TMEM163: variants seen among roughly 807,000 people sequenced by gnomAD.
TMEM163 encodes the protein transmembrane protein 163.
Under a neutral mutation model 29.3 loss-of-function variants are expected in TMEM163, and 17 were observed. The ratio of observed to expected loss-of-function variants is 0.58; its 90% confidence interval spans 0.40 to 0.87. The LOEUF is 0.87. Ranked by LOEUF, TMEM163 falls within the 40% of genes least tolerant of loss-of-function variation. The probability of loss-of-function intolerance (pLI) is 0.00; values close to 1 mark genes in which losing one functional copy is unlikely to be tolerated. For missense variants in TMEM163, 303 were observed against 381.5 expected (o/e 0.79, Z 1.71); for synonymous variants, 157 against 160.6 (o/e 0.98, Z 0.17).
chr2:134,694,201 T>TA (rs1210650240), intron 2 of TMEM163, among the ~76,000 whole-genome samples: 1 of 152,180 alleles, frequency 6.6e-6, no homozygotes, highest in Non-Finnish European at 1.5e-5. Context: ...ATAATGACTA[T>TA]AAAAGAGGAG....
intron 4 of TMEM163, among the ~76,000 whole-genome samples, chr2:134,542,974 A>G (rs1010487232): frequency 6.6e-6 from 1 of 152,176 alleles, no homozygotes; most frequent in African/African-American, 2.4e-5. Flanking sequence ...GACACTAGTA[A>G]TATCGGATTA....
At chr2:134,513,222 GAGA>G (rs1197848688) in intron 4 of TMEM163, among the ~76,000 whole-genome samples, 1 of 152,190 alleles carries the variant, frequency 6.6e-6, no homozygotes, top group African/African-American at 2.4e-5. Context: ...AAGACTGTAG[GAGA>G]AGCAGGTCTG....
At chr2:134,520,727 A>G (rs986510716) in intron 4 of TMEM163, among the ~76,000 whole-genome samples, 2 of 152,166 alleles carry the variant, frequency 1.3e-5, no homozygotes, top group Non-Finnish European at 2.9e-5. Flanking sequence ...AACCTCTGAC[A>G]CAGCATGGGC....
At chr2:134,529,362 G>A (rs531806789) in intron 4 of TMEM163, among the ~76,000 whole-genome samples, 31 of 149,386 alleles carry the variant, frequency 2.1e-4, no homozygotes, top group African/African-American at 3.7e-4. Flanking sequence ...ATAAACCTGC[G>A]CACATGCATA....
chr2:134,517,333 C>A (rs1472593421), intron 4 of TMEM163, among the ~76,000 whole-genome samples: 1 of 152,132 alleles, frequency 6.6e-6, no homozygotes, highest in African/African-American at 2.4e-5. Flanking sequence ...TCCCCTCTGA[C>A]AAGTCAGAAG....
In TMEM163 at chr2:134,718,940, C is replaced by A. The variant is rs1430652887; in HGVS notation, c.-5G>T. ...GATGCCCGCGGCCGGCTCCATGGCG[C>A]GGGGCTGCGGATCCCGGCGGCGGCG... On this transcript the variant is annotated 5_prime_UTR_variant, in exon 1 of 8. Coordinates refer to ENST00000281924, the MANE Select transcript of TMEM163 (RefSeq NM_030923.5). 6 of 1,042,698 alleles carry A rather than the reference C, an allele frequency of 5.8e-6. No individual in the cohort carries two copies. The highest frequency in any genetic ancestry group is 5.8e-6 in the Non-Finnish European group (5 of 869,166). 64.6% of individuals were successfully genotyped at this position (1,042,698 alleles called of 1,614,324 possible). A position where few individuals can be genotyped will look rare whatever the true frequency, so the allele number is the denominator to read the frequency against.
intron 4 of TMEM163, among the ~76,000 whole-genome samples, chr2:134,525,506 C>T (rs192416954): frequency 2.0e-5 from 3 of 152,208 alleles, no homozygotes; most frequent in Admixed American, 2.0e-4. Flanking sequence ...CAAAATCAAT[C>T]GCTGGGGAGC....
intron 2 of TMEM163, among the ~76,000 whole-genome samples, chr2:134,705,897 T>A (rs1314924621): frequency 2.0e-5 from 3 of 152,202 alleles, no homozygotes; most frequent in African/African-American, 7.2e-5. Context: ...CGAGGGACCC[T>A]GAGCATGAGA....
At chr2:134,510,895 C>T (rs1435104146) in intron 4 of TMEM163, among the ~76,000 whole-genome samples, 2 of 152,074 alleles carry the variant, frequency 1.3e-5, no homozygotes, top group African/African-American at 2.4e-5. Context: ...GGGAACAGCC[C>T]GTCTAAAGGT....
At chr2:134,581,703 G>A (rs1251276416) in intron 2 of TMEM163, among the ~76,000 whole-genome samples, 1 of 152,142 alleles carries the variant, frequency 6.6e-6, no homozygotes, top group African/African-American at 2.4e-5. Context: ...TCATTTTGAG[G>A]GGAGGATCTC....
Position 134,558,874 on chromosome 2 carries a change from G to A in TMEM163, c.323-6783C>T, listed in dbSNP as rs536980530. ...GCAAAATTATGTGACTGTAAGTTTC[G>A]TTAATAAATCAATCCTACTTTAATT... On this transcript the variant is annotated intron_variant, in intron 2 of 7. Coordinates refer to ENST00000281924, the MANE Select transcript of TMEM163 (RefSeq NM_030923.5). 3.3e-5 allele frequency among the ~76,000 whole-genome samples: 5 copies of A among 152,244 alleles called. No individual in the cohort carries two copies. In the South Asian group the frequency reaches 6.2e-4, roughly 19 times the overall value.
intron 5 of TMEM163, 55 bp from the exon 6 acceptor site, chr2:134,466,280 C>T: frequency 7.0e-7 from 1 of 1,418,942 alleles, no homozygotes; most frequent in Non-Finnish European, 9.8e-7. Flanking sequence ...AGCAGATCAT[C>T]TGCAACCCAC....
In TMEM163 at chr2:134,460,082, C is replaced by CA. The variant is rs369851123; in HGVS notation, c.668-1910_668-1909insT. Among the ~76,000 whole-genome samples the CA allele has an allele frequency of 7.4e-5, 11 of 148,774 alleles. 1 individual carries two copies. Among genetic ancestry groups the CA allele is most frequent in the South Asian group, 2.3e-4 (1 of 4,288 alleles). ...AGCCCCTTGCCAGATGTTACCCCCC[C>CA]CCAAATTCATTCTCACTCTCCCCGC... On this transcript the variant is annotated intron_variant, in intron 6 of 7. Transcript: ENST00000281924. This position sits in a 1 kb window ranked among gnomAD's most constrained non-coding sequence, Gnocchi z 4.3.
chr2:134,466,404 G>A (rs1299452829), intron 5 of TMEM163, 179 bp from the exon 6 acceptor site: 2 of 566,950 alleles, frequency 3.5e-6, no homozygotes, highest in East Asian at 5.8e-5. Context: ...AATTGGAAAA[G>A]ATGCTCAAAA....
chr2:134,547,002 CAG>C (rs777010887), intron 4 of TMEM163, among the ~76,000 whole-genome samples: 5 of 151,850 alleles, frequency 3.3e-5, no homozygotes, highest in African/African-American at 9.7e-5. Context: ...TTCATAGAAA[CAG>C]AAAGTACAAT....
At chr2:134,570,767 T>C (rs1423697896) in intron 2 of TMEM163, among the ~76,000 whole-genome samples, 1 of 152,102 alleles carries the variant, frequency 6.6e-6, no homozygotes, top group African/African-American at 2.4e-5. Flanking sequence ...CTTCCTCCCC[T>C]GATACTGTAA....
At chr2:134,630,270 G>A (rs1682937349) in intron 2 of TMEM163, among the ~76,000 whole-genome samples, 1 of 151,240 alleles carries the variant, frequency 6.6e-6, no homozygotes, top group Non-Finnish European at 1.5e-5. Context: ...AAGTCTCTAG[G>A]ACAGGGTAGG....
chr2:134,552,731 G>A (rs1392656591), intron 2 of TMEM163, among the ~76,000 whole-genome samples: 3 of 143,550 alleles, frequency 2.1e-5, no homozygotes, highest in African/African-American at 5.2e-5. Context: ...GTGCTGTCTC[G>A]GCTCACTGCA....
chr2:134,623,691 C>T (rs1052303665), intron 2 of TMEM163, among the ~76,000 whole-genome samples: 11 of 152,104 alleles, frequency 7.2e-5, no homozygotes, highest in South Asian at 4.2e-4. Flanking sequence ...AGCTTGAACC[C>T]GGGAGGCAGA....
Sources: gnomAD v4.1 joint callset for allele counts (sites outside exome capture counted in the v4.1 genomes callset) on GRCh38, gnomAD v4.1.1 for gene constraint, Gnocchi (gnomAD v3.1) non-coding constraint, MANE v1.5 for transcripts, NCBI Gene and HGNC (gene_info 2026-07-23, HGNC 2026-07-21) for gene names.